GLB1: variants seen among roughly 807,000 people sequenced by gnomAD.
GLB1 encodes beta-galactosidase.
A neutral mutation model predicts 74.0 loss-of-function variants in GLB1; 56 were observed. The ratio of observed to expected loss-of-function variants is 0.76; its 90% CI spans 0.61 to 0.94. The LOEUF is 0.94. Among genes scored for constraint, GLB1 ranks in the 40% least tolerant of loss-of-function variants. The pLI, the probability that GLB1 is intolerant of heterozygous loss-of-function variation, is 0.00. For synonymous variants in GLB1, 323 were observed against 323.6 expected (o/e 1.00, Z 0.02); for missense variants, 787 against 845.5 (o/e 0.93, Z 0.86).
intron 5 of GLB1, among the ~76,000 whole-genome samples, chr3:33,060,773 CA>C (rs886812481): frequency 2.7e-4 from 41 of 152,190 alleles, no homozygotes; most frequent in African/African-American, 8.7e-4. Flanking sequence ...GCACGGCTGG[CA>C]GGGGCCCAAC....
intron 9 of GLB1, among the ~76,000 whole-genome samples, chr3:33,046,721 T>G (rs1216727876): frequency 1.3e-5 from 2 of 152,184 alleles, no homozygotes; most frequent in Non-Finnish European, 2.9e-5. Flanking sequence ...CAGGGCTTAT[T>G]AAACCAAACA....
chr3:33,018,423 C>T (rs773658562), intron 13 of GLB1, 25 bp downstream of exon 13: 19 of 1,606,574 alleles, frequency 1.2e-5, no homozygotes, highest in Middle Eastern at 1.7e-4. Context: ...TGGGACAAAA[C>T]GCACAGTTCA....
At chr3:32,991,300 C>T in the GLB1 span, among the ~76,000 whole-genome samples, 7 of 152,168 alleles carry the variant, frequency 4.6e-5, no homozygotes, top group African/African-American at 1.4e-4. Context: ...AACCACTTAG[C>T]CAATGGCCTC....
the GLB1 span, among the ~76,000 whole-genome samples, chr3:32,970,359 T>C: frequency 1.3e-5 from 2 of 152,220 alleles, no homozygotes; most frequent in South Asian, 4.2e-4. Context: ...ATTTGCCCTA[T>C]GAGATTTTGT....
chr3:33,051,968 A>T lies in GLB1; in HGVS notation c.829T>A (p.Trp277Arg). The change falls in exon 8 of 16, where the codon TGG becomes AGG. Residue 277 changes from tryptophan to arginine, a missense_variant. Physicochemically the swap from Trp to Arg is moderately radical, Grantham distance 101. Transcript: ENST00000307363. Reference sequence around the variant, plus strand: ...TTGATTGTGGAGTGAGGTTGGCCCCAGTGATCTAGCCAGCCAGTATAGAAT... The same window carrying T: ...TTGATTGTGGAGTGAGGTTGGCCCCTGTGATCTAGCCAGCCAGTATAGAAT... Reference protein sequence around the residue: ...SEFYTGWLDHWGQPHSTIKTE... With the variant: ...SEFYTGWLDHRGQPHSTIKTE... 1 of 1,614,240 alleles carries T rather than the reference A, an allele frequency of 6.2e-7. No individual in the cohort carries two copies. Among genetic ancestry groups the T allele is most frequent in the Non-Finnish European group, 8.5e-7 (1 of 1,180,048 alleles).
At chr3:32,969,884 G>A in the GLB1 span, among the ~76,000 whole-genome samples, 18 of 152,156 alleles carry the variant, frequency 1.2e-4, no homozygotes, top group African/African-American at 4.1e-4. Flanking sequence ...CCACCACAAG[G>A]GCCTACTTGG....
At chr3:33,084,682 C>T (rs1700440018) in intron 1 of GLB1, among the ~76,000 whole-genome samples, 1 of 152,052 alleles carries the variant, frequency 6.6e-6, no homozygotes, top group Non-Finnish European at 1.5e-5. Flanking sequence ...TGTGCCCCCT[C>T]ATCTCAGAGA....
chr3:33,057,384 G>A (rs965731634), intron 6 of GLB1, among the ~76,000 whole-genome samples: 4 of 152,134 alleles, frequency 2.6e-5, no homozygotes, highest in African/African-American at 9.7e-5. Context: ...AAGAATGGAC[G>A]AATACAGCTG....
chr3:33,068,769 C>G (rs776402743), intron 3 of GLB1, 51 bp downstream of exon 3: 4 of 1,612,510 alleles, frequency 2.5e-6, no homozygotes, highest in Non-Finnish European at 3.4e-6. Context: ...CCCAGAGCTG[C>G]TGCCTGCCAG....
chr3:33,021,333 G>C, intron 12 of GLB1: 2 of 575,260 alleles, frequency 3.5e-6, no homozygotes, highest in Non-Finnish European at 6.2e-6. Flanking sequence ...AAGCAGGTTG[G>C]GCTACCTCCT....
At chr3:32,979,477 A>T in the GLB1 span, among the ~76,000 whole-genome samples, 1 of 142,536 alleles carries the variant, frequency 7.0e-6, no homozygotes, top group Non-Finnish European at 1.5e-5. Flanking sequence ...TATTACATGT[A>T]TTTCTTTCTT....
intron 5 of GLB1, among the ~76,000 whole-genome samples, chr3:33,064,516 C>T (rs971437379): frequency 7.9e-5 from 12 of 151,294 alleles, no homozygotes; most frequent in African/African-American, 2.9e-4. Context: ...GTGGCTCACG[C>T]CTGTAATCCC....
intron 10 of GLB1, among the ~76,000 whole-genome samples, chr3:33,043,256 G>A (rs1471464504): frequency 6.6e-6 from 1 of 152,214 alleles, no homozygotes; most frequent in African/African-American, 2.4e-5. Context: ...TAGAGGTGAG[G>A]ACAGCTGTGA....
At chr3:33,024,183 T>C (rs1311493538) in intron 11 of GLB1, 68 bp downstream of exon 11, 1 of 1,517,642 alleles carries the variant, frequency 6.6e-7, no homozygotes, top group Non-Finnish European at 8.9e-7. Flanking sequence ...TTTCACTCAC[T>C]GCTACTAAAT....
At chr3:33,015,924 C>G (rs1437444180) in intron 14 of GLB1, among the ~76,000 whole-genome samples, 1 of 152,196 alleles carries the variant, frequency 6.6e-6, no homozygotes, top group African/African-American at 2.4e-5. Context: ...TCTCTTGACA[C>G]CTTTGCATTC....
chr3:33,091,992 C>T (rs1575498556), intron 1 of GLB1: 1 of 983,814 alleles, frequency 1.0e-6, no homozygotes, highest in African/African-American at 1.7e-5. Flanking sequence ...CTGCCTGTGC[C>T]CTATCTCTCT....
chr3:33,070,143 T>C (rs576613683), intron 2 of GLB1, among the ~76,000 whole-genome samples: 1 of 152,354 alleles, frequency 6.6e-6, no homozygotes, highest in African/African-American at 2.4e-5. Flanking sequence ...CTCATTCTTT[T>C]TTGTGATTTT....
At chr3:32,976,747 AT>A in the GLB1 span, among the ~76,000 whole-genome samples, 4 of 152,206 alleles carry the variant, frequency 2.6e-5, no homozygotes, top group African/African-American at 9.6e-5. Flanking sequence ...AGGATGTGTC[AT>A]TTCAGGAATA....
rs1351204387 is a variant in GLB1 at position 33,046,183 on chromosome 3, G to C, written c.1005C>G (p.Ala335=). The change falls in exon 10 of 16, where the codon GCC becomes GCG. Residue 335 remains alanine (A), a synonymous_variant. Transcript: ENST00000307363. ...TGAGGTCCCCAGCCTCACTCAGTGG[G>C]GCATCATAGTCGTAGCTGGTGGGCT... ...AAQPTSYDYD[A]PLSEAGDLTE... 1 of 1,613,958 alleles carries C rather than the reference G, an allele frequency of 6.2e-7. No individual in the cohort carries two copies. The highest frequency in any genetic ancestry group is 2.2e-5 in the East Asian group (1 of 44,872).
Sources: allele counts gnomAD v4.1 joint callset (sites outside exome capture counted in the v4.1 genomes callset), GRCh38; gene constraint gnomAD v4.1.1; transcripts MANE v1.5; gene names NCBI Gene and HGNC (gene_info 2026-07-23, HGNC 2026-07-21).